BRI3: variants seen among roughly 807,000 people sequenced by gnomAD.
BRI3 encodes the protein membrane protein BRI3.
Under a neutral mutation model 12.8 loss-of-function variants are expected in BRI3, and 6 were observed. That is an observed-to-expected ratio of 0.47 (90% CI 0.26 to 0.93). The LOEUF (loss-of-function observed/expected upper bound fraction) is 0.93. BRI3 is among the 40% of genes least tolerant of loss of function. The probability of loss-of-function intolerance (pLI) is 0.15; values close to 1 mark genes in which losing one functional copy is unlikely to be tolerated. For synonymous variants in BRI3, 91 were observed against 76.1 expected (o/e 1.20, Z -1.02); for missense variants, 134 against 171.1 (o/e 0.78, Z 1.21).
downstream of BRI3, among the ~76,000 whole-genome samples, chr7:98,297,286 G>A (rs1023159585): frequency 2.0e-5 from 3 of 152,240 alleles, no homozygotes; most frequent in South Asian, 6.2e-4. Flanking sequence ...CTTCCCGACT[G>A]TACGGAGCTT....
chr7:98,316,430 T>C, the BRI3 span, among the ~76,000 whole-genome samples: 2 of 152,186 alleles, frequency 1.3e-5, no homozygotes, highest in East Asian at 3.8e-4. Flanking sequence ...AGAGCCAGGA[T>C]AAAAAGCCCA....
intron 1 of BRI3, among the ~76,000 whole-genome samples, chr7:98,297,990 G>C (rs1033880363): frequency 1.3e-5 from 2 of 152,212 alleles, no homozygotes; most frequent in Non-Finnish European, 2.9e-5. Context: ...CAGCACCTTG[G>C]GAGGCCAAGG....
At chr7:98,283,602 G>C (rs1279518848) in intron 2 of BRI3, among the ~76,000 whole-genome samples, 5 of 152,196 alleles carry the variant, frequency 3.3e-5, no homozygotes, top group Admixed American at 6.5e-5. Context: ...GCACCGGGTT[G>C]GGGGGCTGGC....
chr7:98,304,647 A>T (rs2116842046), upstream of BRI3, among the ~76,000 whole-genome samples: 1 of 152,238 alleles, frequency 6.6e-6, no homozygotes, highest in African/African-American at 2.4e-5. Context: ...TTCTAGGTTT[A>T]AGTGATTCTT....
the BRI3 span, chr7:98,315,632 A>G: frequency 9.0e-7 from 1 of 1,105,082 alleles, no homozygotes; most frequent in African/African-American, 1.6e-5. Context: ...AAAAAATAAT[A>G]ATAATAATAA....
chr7:98,313,642 G>C (rs1053056864), downstream of BRI3, among the ~76,000 whole-genome samples: 3 of 152,034 alleles, frequency 2.0e-5, no homozygotes, highest in African/African-American at 4.8e-5. Context: ...TTTTGAGAGA[G>C]GATTTTGGCT....
At chr7:98,311,312 G>C (rs531707112), downstream of BRI3, among the ~76,000 whole-genome samples, 1 of 152,148 alleles carries the variant, frequency 6.6e-6, no homozygotes, top group South Asian at 2.1e-4. Flanking sequence ...GGGAGGCCGA[G>C]GTGGGCGGAT....
At chr7:98,285,543 G>A in intron 2 of BRI3, among the ~76,000 whole-genome samples, 1 of 152,188 alleles carries the variant, frequency 6.6e-6, no homozygotes, top group Non-Finnish European at 1.5e-5. Flanking sequence ...TTGGGCCTGG[G>A]CTGCTTGCTG....
exon 2 of BRI3, chr7:98,307,603 T>A (rs954345496): frequency 1.3e-6 from 2 of 1,563,570 alleles, no homozygotes; most frequent in Non-Finnish European, 1.7e-6. Flanking sequence ...AATGTGAGCA[T>A]GTCCACGAAG....
At chr7:98,286,165 G>T (rs969172717) in intron 2 of BRI3, among the ~76,000 whole-genome samples, 10 of 152,178 alleles carry the variant, frequency 6.6e-5, no homozygotes, top group Non-Finnish European at 1.5e-4. Context: ...GGAGTCCCTG[G>T]ACACACCCTC....
At chr7:98,300,610 C>T (rs1297466929) in intron 1 of BRI3, among the ~76,000 whole-genome samples, 1 of 152,206 alleles carries the variant, frequency 6.6e-6, no homozygotes, top group African/African-American at 2.4e-5. Flanking sequence ...TCTTCTGTGC[C>T]TCCCTTTCTC....
chr7:98,305,240 A>C (rs1800608671), upstream of BRI3, among the ~76,000 whole-genome samples: 1 of 151,620 alleles, frequency 6.6e-6, no homozygotes, highest in African/African-American at 2.4e-5. Context: ...CTTTTAAATT[A>C]GGGGCTGGCT....
intron 2 of BRI3, among the ~76,000 whole-genome samples, chr7:98,289,616 T>A (rs932271016): frequency 2.6e-5 from 4 of 152,154 alleles, no homozygotes; most frequent in African/African-American, 9.7e-5. Context: ...CACCCTGTTG[T>A]GTTTTTCTGT....
intron 1 of BRI3, among the ~76,000 whole-genome samples, chr7:98,301,288 G>A (rs775876500): frequency 7.9e-5 from 12 of 152,148 alleles, no homozygotes; most frequent in Non-Finnish European, 1.2e-4. Flanking sequence ...CGATTTCAGT[G>A]ATCATGAAGT....
intron 2 of BRI3, 122 bp downstream of exon 2, chr7:98,282,575 G>T (rs1799562716): frequency 2.6e-6 from 2 of 775,714 alleles, no homozygotes; most frequent in African/African-American, 1.7e-5. Flanking sequence ...CTTGACCAGA[G>T]CCCTTTATGG....
At chr7:98,321,883 G>A in the BRI3 span, among the ~76,000 whole-genome samples, 1 of 152,096 alleles carries the variant, frequency 6.6e-6, no homozygotes, top group African/African-American at 2.4e-5. Context: ...GTATCACGAG[G>A]TAAGGAGTTC....
chr7:98,314,766 CCCAGGT>C (rs1359399626), downstream of BRI3, among the ~76,000 whole-genome samples: 1 of 152,152 alleles, frequency 6.6e-6, no homozygotes, highest in Non-Finnish European at 1.5e-5. Flanking sequence ...TCTCAAATCG[CCCAGGT>C]GGGGTAGACC....
At chr7:98,320,136 A>C in the BRI3 span, 1 of 1,608,568 alleles carries the variant, frequency 6.2e-7, no homozygotes, top group Middle Eastern at 1.7e-4. Flanking sequence ...TAAACTGTTA[A>C]CAAAAGGAAA....
the BRI3 span, chr7:98,319,995 T>C: frequency 7.3e-6 from 10 of 1,366,730 alleles, no homozygotes; most frequent in Non-Finnish European, 9.2e-6. Flanking sequence ...TGGGAACGAG[T>C]TCTCCCCAGG....
Sources: gnomAD v4.1 joint callset for allele counts (sites outside exome capture counted in the v4.1 genomes callset) on GRCh38, gnomAD v4.1.1 for gene constraint, MANE v1.5 for transcripts, NCBI Gene and HGNC (gene_info 2026-07-23, HGNC 2026-07-21) for gene names.